Variants in HTR2C observed in about 807,000 individuals in gnomAD.
HTR2C encodes 5-hydroxytryptamine (serotonin) receptor 2C, G protein-coupled.
Under a neutral mutation model 21.0 loss-of-function variants are expected in HTR2C, and 5 were observed. That is an observed-to-expected ratio of 0.24 (90% CI 0.12 to 0.50). HTR2C has a LOEUF of 0.50. Among genes scored for constraint, HTR2C ranks in the 20% least tolerant of loss-of-function variants. HTR2C has a pLI of 0.98. For synonymous variants in HTR2C, 150 were observed against 145.3 expected (o/e 1.03, Z -0.23); for missense variants, 271 against 371.2 (o/e 0.73, Z 2.22).
intron 4 of HTR2C, among the ~76,000 whole-genome samples, chrX:114,734,907 T>C (rs1467605301): frequency 1.8e-5 from 2 of 111,577 alleles, no homozygotes; most frequent in African/African-American, 6.5e-5. Flanking sequence ...ACAAAATGGT[T>C]TGGAAATATG....
chrX:114,888,238 C>A (rs2071235150), intron 5 of HTR2C, among the ~76,000 whole-genome samples: 1 of 111,107 alleles, frequency 9.0e-6, no homozygotes, highest in Non-Finnish European at 1.9e-5. Context: ...AGTAGTAGTC[C>A]CAATCTAGAA....
intron 2 of HTR2C, among the ~76,000 whole-genome samples, chrX:114,644,875 A>G (rs782024663): frequency 6.6e-4 from 73 of 111,311 alleles, no homozygotes; most frequent in African/African-American, 2.3e-3. Flanking sequence ...GTCATGATGT[A>G]AGTGGCTGAG....
At chrX:114,797,604 C>T (rs2070305699) in intron 4 of HTR2C, among the ~76,000 whole-genome samples, 1 of 111,585 alleles carries the variant, frequency 9.0e-6, no homozygotes, top group Admixed American at 9.6e-5. Context: ...CCTTGTTGTG[C>T]AATCAGGGTT....
intron 1 of HTR2C, among the ~76,000 whole-genome samples, chrX:114,604,225 T>C (rs1443706880): frequency 9.1e-6 from 1 of 109,770 alleles, no homozygotes; most frequent in African/African-American, 3.3e-5. Flanking sequence ...TTAGCTGTAG[T>C]CCAGGAATAG....
At chrX:114,762,970 C>T (rs1223969141) in intron 4 of HTR2C, among the ~76,000 whole-genome samples, 8 of 112,266 alleles carry the variant, frequency 7.1e-5, no homozygotes, top group South Asian at 7.3e-4. Flanking sequence ...GTGGTTCTCT[C>T]GTGTGATCAT....
At chrX:114,897,395 CTT>C (rs199907693) in intron 5 of HTR2C, among the ~76,000 whole-genome samples, 1 of 106,693 alleles carries the variant, frequency 9.4e-6, no homozygotes, top group African/African-American at 3.4e-5. Flanking sequence ...CTTTAGCAAT[CTT>C]TTTTTTTTTC....
chrX:114,650,953 G>T lies in HTR2C; in HGVS notation c.-80+37072G>T, dbSNP rs183709858. On this transcript the variant is annotated intron_variant, in intron 2 of 5. Transcript: ENST00000276198. Reference sequence around the variant, plus strand: ...TGAAGAGGAGAAAATGGTGACATGGGTTGCAGTATTAACTACCCCAGAATA... The same window carrying T: ...TGAAGAGGAGAAAATGGTGACATGGTTTGCAGTATTAACTACCCCAGAATA... 4.5e-5 allele frequency among the ~76,000 whole-genome samples: 5 copies of T among 111,521 alleles called. No homozygotes were observed. In the East Asian group the frequency reaches 1.4e-3, roughly 32 times the overall value.
At position 114,777,672 on chromosome X, in the gene HTR2C, C is replaced by T. The variant is rs1462207374; in HGVS notation, c.349+46065C>T. 5.4e-5 allele frequency among the ~76,000 whole-genome samples: 6 copies of T among 111,052 alleles called. No homozygotes were observed. In the East Asian group the frequency reaches 8.5e-4, roughly 16 times the overall value. On this transcript the variant is annotated intron_variant, in intron 4 of 5. Transcript: ENST00000276198. Reference sequence around the variant, plus strand: ...TCCTGGGTTCAAGCGATTCCCCTTCCGCAGCCTCCCGAGTAGCTGGGATTA... The same window carrying T: ...TCCTGGGTTCAAGCGATTCCCCTTCTGCAGCCTCCCGAGTAGCTGGGATTA...
At chrX:114,672,400 T>C (rs1361162207) in intron 2 of HTR2C, among the ~76,000 whole-genome samples, 1 of 110,161 alleles carries the variant, frequency 9.1e-6, no homozygotes, top group African/African-American at 3.3e-5. Flanking sequence ...AAAAAAAAAA[T>C]CGTATTTCAC....
intron 1 of HTR2C, among the ~76,000 whole-genome samples, chrX:114,609,620 T>C (rs911383506): frequency 8.0e-5 from 9 of 111,870 alleles, no homozygotes; most frequent in African/African-American, 2.9e-4. Flanking sequence ...TAGACAAAGA[T>C]TGAAGTTTTA....
At chrX:114,806,091 CA>C (rs782515998) in intron 4 of HTR2C, among the ~76,000 whole-genome samples, 74 of 40,126 alleles carry the variant, frequency 1.8e-3, no homozygotes, top group African/African-American at 4.7e-3. Context: ...ATATATACCA[CA>C]TATATACACC....
At chrX:114,624,368 T>C (rs1433041041) in intron 2 of HTR2C, among the ~76,000 whole-genome samples, 7 of 111,998 alleles carry the variant, frequency 6.3e-5, no homozygotes, top group Non-Finnish European at 1.3e-4. Flanking sequence ...AAATTGGATA[T>C]GTACTTATCT....
chrX:114,616,397 C>T (rs1480919498), intron 2 of HTR2C, among the ~76,000 whole-genome samples: 1 of 110,456 alleles, frequency 9.1e-6, no homozygotes. Context: ...AGCAATTCTC[C>T]TGCCTCAGCC....
intron 1 of HTR2C, among the ~76,000 whole-genome samples, chrX:114,601,781 C>A (rs868906214): frequency 9.8e-6 from 1 of 102,438 alleles, no homozygotes; most frequent in Non-Finnish European, 2.0e-5. Context: ...AGTGTTGGGG[C>A]GGCGAAAATT....
intron 2 of HTR2C, among the ~76,000 whole-genome samples, chrX:114,634,987 A>T (rs1929785108): frequency 8.9e-6 from 1 of 112,153 alleles, no homozygotes. Flanking sequence ...GAACAAATCA[A>T]CAACTATTAG....
intron 4 of HTR2C, among the ~76,000 whole-genome samples, chrX:114,780,933 T>G (rs1556440423): frequency 9.0e-6 from 1 of 111,485 alleles, no homozygotes; most frequent in African/African-American, 3.3e-5. Flanking sequence ...CAGACATTAT[T>G]GCTATCAATA....
chrX:114,695,797 C>T (rs970949301), intron 2 of HTR2C, among the ~76,000 whole-genome samples: 2 of 111,727 alleles, frequency 1.8e-5, no homozygotes, highest in East Asian at 2.8e-4. Context: ...CAGTTATATG[C>T]TCACCCTGAC....
chrX:114,764,865 A>ATCTT (rs1234459517), intron 4 of HTR2C, among the ~76,000 whole-genome samples: 2,207 of 45,084 alleles, frequency 0.049, 115 homozygotes, highest in Middle Eastern at 0.093. Context: ...CATGGAATCA[A>ATCTT]TCTTTCTTTC....
At chrX:114,720,985 G>A (rs374061614) in intron 2 of HTR2C, among the ~76,000 whole-genome samples, 3 of 95,509 alleles carry the variant, frequency 3.1e-5, no homozygotes, top group Admixed American at 1.2e-4. Context: ...ATACGTGTGC[G>A]TGTGTCTTTA....
Sources: gnomAD v4.1 joint callset for allele counts (sites outside exome capture counted in the v4.1 genomes callset) on GRCh38, gnomAD v4.1.1 for gene constraint, MANE v1.5 for transcripts, NCBI Gene and HGNC (gene_info 2026-07-23, HGNC 2026-07-21) for gene names.